ADCY2: variants seen among roughly 807,000 people sequenced by gnomAD.
ADCY2 encodes adenylate cyclase 2.
Under a neutral mutation model 125.2 loss-of-function variants are expected in ADCY2, and 31 were observed. The observed-to-expected ratio is 0.25, with a 90% CI of 0.19 to 0.33. The LOEUF is 0.33. Among genes scored for constraint, ADCY2 ranks in the 10% least tolerant of loss-of-function variants. ADCY2 has a pLI of 1.00. For synonymous variants in ADCY2, 512 were observed against 548.4 expected, an observed-to-expected ratio of 0.93 and a Z score of 0.93; for missense variants, 904 against 1,418.2, an observed-to-expected ratio of 0.64 and a Z score of 5.82.
chr5:7,811,500 CAA>C (rs960087059), intron 22 of ADCY2, among the ~76,000 whole-genome samples: 1 of 120,142 alleles, frequency 8.3e-6, no homozygotes, highest in African/African-American at 3.9e-5. Context: ...GACTCTGTCT[CAA>C]AAAAAAAAAG....
intron 2 of ADCY2, among the ~76,000 whole-genome samples, chr5:7,513,737 G>A (rs1004750479): frequency 6.6e-6 from 1 of 152,086 alleles, no homozygotes; most frequent in East Asian, 1.9e-4. Flanking sequence ...ACTATATTGC[G>A]GTACTATTGT....
intron 2 of ADCY2, among the ~76,000 whole-genome samples, chr5:7,486,283 T>C (rs1300276743): frequency 2.6e-5 from 4 of 152,230 alleles, no homozygotes; most frequent in Non-Finnish European, 4.4e-5. Context: ...GGCACACAAA[T>C]GTACATATAT....
At chr5:7,436,657 T>C (rs1427071745) in intron 2 of ADCY2, among the ~76,000 whole-genome samples, 1 of 152,262 alleles carries the variant, frequency 6.6e-6, no homozygotes, top group Non-Finnish European at 1.5e-5. Flanking sequence ...TGACATTTGC[T>C]CATCAGCCAC....
At chr5:7,590,928 AATAAT>A (rs1438583045) in intron 3 of ADCY2, among the ~76,000 whole-genome samples, 3 of 152,184 alleles carry the variant, frequency 2.0e-5, no homozygotes, top group African/African-American at 7.2e-5. Context: ...TAGAAAAATA[AATAAT>A]ATTCAAATGG....
intron 2 of ADCY2, among the ~76,000 whole-genome samples, chr5:7,500,255 G>A (rs1018469996): frequency 6.6e-6 from 1 of 152,170 alleles, no homozygotes; most frequent in Non-Finnish European, 1.5e-5. Context: ...ATAGATAAAT[G>A]AGGAGAATAG....
chr5:7,488,412 A>G (rs1273922358), intron 2 of ADCY2, among the ~76,000 whole-genome samples: 3 of 152,072 alleles, frequency 2.0e-5, no homozygotes, highest in African/African-American at 4.8e-5. Context: ...TCTTGCCAGG[A>G]TTTCCAGGTG....
At chr5:7,539,772 C>T (rs1411045391) in intron 3 of ADCY2, among the ~76,000 whole-genome samples, 2 of 152,176 alleles carry the variant, frequency 1.3e-5, no homozygotes, top group Non-Finnish European at 2.9e-5. Flanking sequence ...AAGGACAGCA[C>T]GTCAGCAAAT....
chr5:7,651,339 G>A lies in ADCY2; in HGVS notation c.720+25023G>A, dbSNP rs565955828. Among the ~76,000 whole-genome samples the A allele has an allele frequency of 2.0e-3, 297 of 152,228 alleles. 1 individual carries two copies. The highest frequency in any genetic ancestry group is 3.6e-3 in the Non-Finnish European group (243 of 68,002). On this transcript the variant is annotated intron_variant, in intron 4 of 24. Transcript: ENST00000338316. ...GGAGTATTGACTCACACGATCACAA[G>A]GTGAGGTCCCACAATAGGCCATCTG...
intron 4 of ADCY2, among the ~76,000 whole-genome samples, chr5:7,676,600 T>C (rs1579305269): frequency 6.6e-6 from 1 of 152,366 alleles, no homozygotes; most frequent in East Asian, 1.9e-4. Context: ...GTCACTGCAT[T>C]TGTAGACAGC....
intron 19 of ADCY2, among the ~76,000 whole-genome samples, chr5:7,787,710 A>AT (rs2126502346): frequency 6.6e-6 from 1 of 152,248 alleles, no homozygotes; most frequent in Admixed American, 6.5e-5. Flanking sequence ...AGATAAATAG[A>AT]TTTGGCAAAA....
chr5:7,588,878 C>T (rs969881102), intron 3 of ADCY2, among the ~76,000 whole-genome samples: 44 of 151,882 alleles, frequency 2.9e-4, no homozygotes, highest in African/African-American at 1.0e-3. Flanking sequence ...AGCAAAGAAA[C>T]AAATAATACG....
intron 16 of ADCY2, among the ~76,000 whole-genome samples, chr5:7,765,144 T>G (rs964902560): frequency 1.2e-4 from 19 of 152,314 alleles, no homozygotes; most frequent in African/African-American, 4.3e-4. Flanking sequence ...ATGCAACACT[T>G]CATTTTACCT....
At chr5:7,568,383 A>G (rs889257711) in intron 3 of ADCY2, among the ~76,000 whole-genome samples, 1 of 152,180 alleles carries the variant, frequency 6.6e-6, no homozygotes, top group Non-Finnish European at 1.5e-5. Flanking sequence ...TTGAAGAAGC[A>G]TATGGTATTA....
chr5:7,669,953 T>G (rs1001977107), intron 4 of ADCY2, among the ~76,000 whole-genome samples: 5 of 152,210 alleles, frequency 3.3e-5, no homozygotes, highest in Non-Finnish European at 7.3e-5. Context: ...CCTCAATGGT[T>G]TATGGGCATA....
intron 2 of ADCY2, among the ~76,000 whole-genome samples, chr5:7,501,878 C>T (rs1429906461): frequency 1.3e-5 from 2 of 151,998 alleles, no homozygotes; most frequent in Non-Finnish European, 2.9e-5. Flanking sequence ...CAGGAGGACC[C>T]ACACTCTCGT....
chr5:7,606,752 G>A (rs1737392204), intron 3 of ADCY2, among the ~76,000 whole-genome samples: 2 of 152,214 alleles, frequency 1.3e-5, no homozygotes, highest in South Asian at 4.2e-4. Flanking sequence ...GTTTATCACC[G>A]AAGCTATGGA....
At chr5:7,615,491 C>T (rs1737724322) in intron 3 of ADCY2, among the ~76,000 whole-genome samples, 1 of 152,088 alleles carries the variant, frequency 6.6e-6, no homozygotes. Context: ...AAAATGAGCA[C>T]AGAAAGGAAG....
intron 3 of ADCY2, among the ~76,000 whole-genome samples, chr5:7,544,963 G>A (rs1735105305): frequency 1.3e-5 from 2 of 152,224 alleles, no homozygotes; most frequent in Admixed American, 1.3e-4. Flanking sequence ...GGGCCTACCT[G>A]CCCTGAGTCC....
At chr5:7,689,884 G>A (rs1371347365) in intron 4 of ADCY2, among the ~76,000 whole-genome samples, 1 of 152,096 alleles carries the variant, frequency 6.6e-6, no homozygotes, top group Non-Finnish European at 1.5e-5. Context: ...AATTCTCCAG[G>A]ATGGATATAT....
Sources: gnomAD v4.1 joint callset for allele counts (sites outside exome capture counted in the v4.1 genomes callset) on GRCh38, gnomAD v4.1.1 for gene constraint, MANE v1.5 for transcripts, NCBI Gene and HGNC (gene_info 2026-07-23, HGNC 2026-07-21) for gene names.